The following PARD3B variants were observed in gnomAD, a reference collection of about 807,000 sequenced individuals.
PARD3B encodes par-3 family cell polarity regulator beta.
Under a neutral mutation model 130.2 loss-of-function variants are expected in PARD3B, and 103 were observed. The ratio of observed to expected loss-of-function variants is 0.79; its 90% CI spans 0.67 to 0.93. PARD3B has a LOEUF of 0.93. Ranked by LOEUF, PARD3B falls within the 40% of genes least tolerant of loss-of-function variation. The pLI is 0.00. For missense variants in PARD3B, 1,609 were observed against 1,499.2 expected (o/e 1.07, Z -1.21); for synonymous variants, 583 against 553.2 (o/e 1.05, Z -0.76).
Position 205,317,565 on chromosome 2 carries a change from A to G in PARD3B, c.2630+15864A>G, listed in dbSNP as rs1050705575. Among the ~76,000 whole-genome samples the G allele has an allele frequency of 2.0e-5, 3 of 152,152 alleles. No individual in the cohort carries two copies. In the South Asian group the frequency reaches 6.2e-4, roughly 31 times the overall value. On this transcript the variant is annotated intron_variant, in intron 18 of 22. Transcript: ENST00000406610. ...AACACTGAAAATCTCTTCCCCAGGAAACTCCTCAGTTTAAGGAAAGTGGGC... is the reference window on the plus strand; with the variant it reads ...AACACTGAAAATCTCTTCCCCAGGAGACTCCTCAGTTTAAGGAAAGTGGGC...
At chr2:205,178,229 GAA>G (rs1553632799) in intron 13 of PARD3B, among the ~76,000 whole-genome samples, 25 of 136,960 alleles carry the variant, frequency 1.8e-4, no homozygotes, top group South Asian at 2.4e-4. Context: ...TATGGGGGGG[GAA>G]AAAAAAAAGA....
At position 205,325,787 on chromosome 2, in the gene PARD3B, G is replaced by A. The variant is rs1169643791; in HGVS notation, c.2630+24086G>A. On this transcript the variant is annotated intron_variant, in intron 18 of 22. Transcript: ENST00000406610. The surrounding 1 kb of genome is among the most constrained non-coding windows in gnomAD (Gnocchi z 4.1). ...TTGGAGGTAACTGGCTTCAGATAAG[G>A]TTATTGAATTTCATAGTCCATTATT... is the stretch of plus-strand genomic sequence containing the variant. 2.0e-5 allele frequency among the ~76,000 whole-genome samples: 3 copies of A among 152,160 alleles called. No individual in the cohort carries two copies. In the East Asian group the frequency reaches 5.8e-4, roughly 29 times the overall value.
chr2:204,621,568 A>C (rs1170626403), intron 1 of PARD3B, among the ~76,000 whole-genome samples: 1 of 152,222 alleles, frequency 6.6e-6, no homozygotes, highest in Non-Finnish European at 1.5e-5. Context: ...TCTCCATTTT[A>C]AATCTATAAT....
intron 1 of PARD3B, among the ~76,000 whole-genome samples, chr2:204,591,164 C>T (rs2125093931): frequency 6.6e-6 from 1 of 152,294 alleles, no homozygotes; most frequent in Non-Finnish European, 1.5e-5. Context: ...TACTTCTAAA[C>T]AGGCACACAC....
intron 1 of PARD3B, among the ~76,000 whole-genome samples, chr2:204,570,016 G>A (rs2031894726): frequency 6.6e-6 from 1 of 152,220 alleles, no homozygotes; most frequent in South Asian, 2.1e-4. Flanking sequence ...TTATAACGGG[G>A]CTACAAGACA....
chr2:205,449,044 T>C (rs2048005509), intron 20 of PARD3B, among the ~76,000 whole-genome samples: 1 of 151,208 alleles, frequency 6.6e-6, no homozygotes, highest in African/African-American at 2.4e-5. Context: ...CCCATGCCTG[T>C]AATCCCAGCT....
chr2:205,153,254 C>T (rs943393928), intron 10 of PARD3B, among the ~76,000 whole-genome samples: 1 of 152,170 alleles, frequency 6.6e-6, no homozygotes, highest in Admixed American at 6.5e-5. Context: ...CTTGAAGAGG[C>T]AGTCTGTCTG....
intron 4 of PARD3B, among the ~76,000 whole-genome samples, chr2:205,097,746 C>G (rs1259068059): frequency 2.0e-5 from 3 of 152,054 alleles, no homozygotes; most frequent in Admixed American, 6.6e-5. Flanking sequence ...AAACACAGTT[C>G]TTCTTAAGCA....
At chr2:205,359,077 TATA>T (rs1434344402) in intron 18 of PARD3B, among the ~76,000 whole-genome samples, 2 of 152,242 alleles carry the variant, frequency 1.3e-5, no homozygotes, top group African/African-American at 4.8e-5. Context: ...TTAGTAAATC[TATA>T]ATGTTTGGGA....
At chr2:204,586,754 G>GTT (rs898296677) in intron 1 of PARD3B, among the ~76,000 whole-genome samples, 52 of 152,202 alleles carry the variant, frequency 3.4e-4, no homozygotes, top group African/African-American at 1.2e-3. Flanking sequence ...TAATTGGGCT[G>GTT]TTTTTACTAT....
chr2:204,603,324 T>C (rs1306200341), intron 1 of PARD3B, among the ~76,000 whole-genome samples: 1 of 152,148 alleles, frequency 6.6e-6, no homozygotes, highest in Non-Finnish European at 1.5e-5. Flanking sequence ...AAAGACTTTA[T>C]TTTAGCTGCA....
chr2:204,707,241 A>T (rs1026430813), intron 2 of PARD3B, among the ~76,000 whole-genome samples: 1 of 152,174 alleles, frequency 6.6e-6, no homozygotes, highest in East Asian at 1.9e-4. Flanking sequence ...CCCGAGTGGG[A>T]CTGCAAATTT....
chr2:205,357,354 G>A (rs1046522932), intron 18 of PARD3B, among the ~76,000 whole-genome samples: 4 of 152,192 alleles, frequency 2.6e-5, no homozygotes, highest in Admixed American at 6.5e-5. Flanking sequence ...TAAAGTCCAT[G>A]AAACTTCCTG....
At position 205,315,173 on chromosome 2, in the gene PARD3B, C is replaced by G. The variant is rs181788131; in HGVS notation, c.2630+13472C>G. 9.9e-5 allele frequency among the ~76,000 whole-genome samples: 15 copies of G among 152,214 alleles called. 2 individuals carry two copies. The South Asian group carries it at 2.7e-3, about 27-fold the overall frequency. On this transcript the variant is annotated intron_variant, in intron 18 of 22. Transcript: ENST00000406610. ...CTTTCCACACAAAAATGCAATGTAA[C>G]GTAGTAGCAAAGAGAGCAGCTCTGG...
At position 205,589,665 on chromosome 2, in the gene PARD3B, ATTG is replaced by A. The variant is rs1169579874; in HGVS notation, c.3261-25786_3261-25784del. On this transcript the variant is annotated intron_variant, in intron 22 of 22. Coordinates refer to ENST00000406610, the MANE Select transcript of PARD3B (RefSeq NM_001302769.2). This position sits in a 1 kb window ranked among gnomAD's most constrained non-coding sequence, Gnocchi z 4.1. ...AATTGCAAATTAATTGCACCCTCAC[ATTG>A]TTGTCTCTATTGGAGAATTGCTAGA... 6.6e-6 allele frequency among the ~76,000 whole-genome samples: 1 copy of A among 152,066 alleles called. No homozygotes were observed. The highest frequency in any genetic ancestry group is 1.5e-5 in the Non-Finnish European group (1 of 68,000).
At chr2:205,070,757 T>C (rs2125483540) in intron 4 of PARD3B, among the ~76,000 whole-genome samples, 1 of 152,324 alleles carries the variant, frequency 6.6e-6, no homozygotes, top group East Asian at 1.9e-4. Context: ...TATGTTCTAC[T>C]TGAAACAATA....
chr2:205,533,892 T>C (rs1433344244), intron 21 of PARD3B, among the ~76,000 whole-genome samples: 1 of 152,102 alleles, frequency 6.6e-6, no homozygotes, highest in Non-Finnish European at 1.5e-5. Flanking sequence ...CACATGGGGC[T>C]AATCGTTCAG....
At chr2:205,357,724 G>A (rs954577940) in intron 18 of PARD3B, among the ~76,000 whole-genome samples, 5 of 152,164 alleles carry the variant, frequency 3.3e-5, no homozygotes, top group Non-Finnish European at 7.3e-5. Flanking sequence ...AAACAGAGAA[G>A]GGAGAGTATG....
chr2:204,899,598 T>G (rs995183652), intron 2 of PARD3B, among the ~76,000 whole-genome samples: 1 of 152,216 alleles, frequency 6.6e-6, no homozygotes, highest in African/African-American at 2.4e-5. Context: ...TTGTTGTTAT[T>G]ATTTTTAATA....
Sources: gnomAD v4.1 joint callset for allele counts (sites outside exome capture counted in the v4.1 genomes callset) on GRCh38, gnomAD v4.1.1 for gene constraint, Gnocchi (gnomAD v3.1) non-coding constraint, MANE v1.5 for transcripts, NCBI Gene and HGNC (gene_info 2026-07-23, HGNC 2026-07-21) for gene names.